The following POPDC1 variants were observed in gnomAD, a reference collection of about 807,000 sequenced individuals.
POPDC1 encodes the protein popeye domain cAMP effector 1, also known as popeye domain-containing protein 1.
the POPDC1 span, chr6:105,116,728 T>A: frequency 3.7e-5 from 60 of 1,600,014 alleles, no homozygotes; most frequent in East Asian, 7.2e-4. Flanking sequence ...GATCATTCAA[T>A]GAGTAGAGCT....
At chr6:105,116,959 G>A in the POPDC1 span, 2 of 1,191,830 alleles carry the variant, frequency 1.7e-6, no homozygotes, top group Non-Finnish European at 2.3e-6. Flanking sequence ...ATGATTTAGT[G>A]GACATTATCA....
At chr6:105,135,121 C>T in the POPDC1 span, among the ~76,000 whole-genome samples, 1 of 152,138 alleles carries the variant, frequency 6.6e-6, no homozygotes, top group Non-Finnish European at 1.5e-5. Context: ...TAGAATGTAC[C>T]TACACTCCCA....
the POPDC1 span, among the ~76,000 whole-genome samples, chr6:105,123,393 T>A: frequency 6.7e-6 from 1 of 149,312 alleles, no homozygotes; most frequent in Non-Finnish European, 1.5e-5. Flanking sequence ...GAGCAATTTG[T>A]TTTTTGTTGT....
chr6:105,099,242 C>T, the POPDC1 span: 1 of 152,180 alleles, frequency 6.6e-6, no homozygotes, highest in Non-Finnish European at 1.5e-5. Flanking sequence ...TAAATTTTCT[C>T]AATGAGTGAC....
chr6:105,107,805 G>T, the POPDC1 span, among the ~76,000 whole-genome samples: 1 of 152,016 alleles, frequency 6.6e-6, no homozygotes, highest in Non-Finnish European at 1.5e-5. Context: ...AGGATTTAAT[G>T]GCTTTTTTTT....
the POPDC1 span, among the ~76,000 whole-genome samples, chr6:105,131,198 A>C: frequency 1.8e-4 from 27 of 152,220 alleles, 1 homozygote; most frequent in Non-Finnish European, 2.9e-5. Flanking sequence ...TTTTTATTTC[A>C]TAAGAATGAT....
the POPDC1 span, among the ~76,000 whole-genome samples, chr6:105,133,047 G>T: frequency 3.3e-5 from 5 of 152,150 alleles, no homozygotes; most frequent in Non-Finnish European, 7.4e-5. Flanking sequence ...ACAAGAAATA[G>T]AACCAGGATT....
the POPDC1 span, among the ~76,000 whole-genome samples, chr6:105,127,560 C>T: frequency 1.1e-4 from 16 of 152,192 alleles, no homozygotes; most frequent in African/African-American, 3.9e-4. Context: ...TCCAGTGATC[C>T]TCCCGAGAAG....
chr6:105,118,688 T>C, the POPDC1 span, among the ~76,000 whole-genome samples: 1 of 152,110 alleles, frequency 6.6e-6, no homozygotes, highest in East Asian at 1.9e-4. Context: ...TGACTGGGGG[T>C]GACAATAGCA....
At chr6:105,132,158 G>A in the POPDC1 span, among the ~76,000 whole-genome samples, 1 of 151,988 alleles carries the variant, frequency 6.6e-6, no homozygotes, top group South Asian at 2.1e-4. Context: ...TAGACACAAG[G>A]TTTCACCATG....
the POPDC1 span, among the ~76,000 whole-genome samples, chr6:105,122,432 G>A: frequency 6.6e-6 from 1 of 152,294 alleles, no homozygotes; most frequent in African/African-American, 2.4e-5. Context: ...AAAGAGAACT[G>A]TAGCTAGTGG....
At chr6:105,116,043 TATA>T in the POPDC1 span, among the ~76,000 whole-genome samples, 1 of 152,194 alleles carries the variant, frequency 6.6e-6, no homozygotes, top group Non-Finnish European at 1.5e-5. Flanking sequence ...GTAGCCTATT[TATA>T]ATAAGCTAAA....
the POPDC1 span, chr6:105,101,343 C>A: frequency 9.9e-7 from 1 of 1,010,320 alleles, no homozygotes; most frequent in Non-Finnish European, 1.4e-6. Context: ...ACCAAGAACA[C>A]AATTTCCATA....
the POPDC1 span, among the ~76,000 whole-genome samples, chr6:105,120,628 G>A: frequency 6.6e-6 from 1 of 152,156 alleles, no homozygotes; most frequent in East Asian, 1.9e-4. Context: ...CTAAGCATTT[G>A]CAAACAGGTT....
chr6:105,110,807 C>T, the POPDC1 span, among the ~76,000 whole-genome samples: 6,564 of 152,168 alleles, frequency 0.043, 473 homozygotes, highest in African/African-American at 0.15. Flanking sequence ...GCTCAGCCTC[C>T]CAAGTAGCTG....
the POPDC1 span, among the ~76,000 whole-genome samples, chr6:105,128,098 G>C: frequency 6.6e-6 from 1 of 152,152 alleles, no homozygotes; most frequent in Non-Finnish European, 1.5e-5. Context: ...CTCATCAAAG[G>C]TTTTTTTGAG....
At chr6:105,110,733 G>T in the POPDC1 span, among the ~76,000 whole-genome samples, 1 of 152,076 alleles carries the variant, frequency 6.6e-6, no homozygotes, top group Admixed American at 6.5e-5. Context: ...ACCCAGGCTG[G>T]AGTGCAGTGG....
the POPDC1 span, chr6:105,116,884 G>A: frequency 1.2e-6 from 2 of 1,607,814 alleles, no homozygotes; most frequent in East Asian, 2.2e-5. Context: ...AAAGAAACAA[G>A]CATGCAAAGA....
chr6:105,134,782 T>C, the POPDC1 span, among the ~76,000 whole-genome samples: 1 of 152,306 alleles, frequency 6.6e-6, no homozygotes, highest in Non-Finnish European at 1.5e-5. Flanking sequence ...GAAGATCTTT[T>C]TACATAATTC....
Sources: gnomAD v4.1 joint callset for allele counts (sites outside exome capture counted in the v4.1 genomes callset) on GRCh38, gnomAD v4.1.1 for gene constraint, MANE v1.5 for transcripts, NCBI Gene and HGNC (gene_info 2026-07-23, HGNC 2026-07-21) for gene names.